Variants in DENND1A observed in about 807,000 individuals in gnomAD.
The protein encoded by DENND1A is DENN domain-containing protein 1A.
DENND1A carries 51 observed loss-of-function variants against 113.7 expected under a neutral mutation model. That is an observed-to-expected ratio of 0.45 (90% CI 0.36 to 0.57). DENND1A has a LOEUF of 0.57. Ranked by LOEUF, DENND1A falls within the 20% of genes least tolerant of loss-of-function variation. The pLI is 0.00. For missense variants in DENND1A, 1,258 were observed against 1,395.9 expected (o/e 0.90, Z 1.57); for synonymous variants, 565 against 570.8 (o/e 0.99, Z 0.14).
intron 11 of DENND1A, among the ~76,000 whole-genome samples, chr9:123,590,172 C>T (rs2059390934): frequency 6.6e-6 from 1 of 152,180 alleles, no homozygotes; most frequent in Non-Finnish European, 1.5e-5. Flanking sequence ...AGCGGCAAGC[C>T]TCCCATGACC....
At chr9:123,385,969 AAC>A (rs1252855406) in intron 22 of DENND1A, among the ~76,000 whole-genome samples, 1 of 152,164 alleles carries the variant, frequency 6.6e-6, no homozygotes, top group East Asian at 1.9e-4. Flanking sequence ...TTTCTTTTCA[AAC>A]ACACACACAA....
At chr9:123,711,773 C>A (rs367841020) in intron 5 of DENND1A, among the ~76,000 whole-genome samples, 43 of 152,140 alleles carry the variant, frequency 2.8e-4, no homozygotes, top group African/African-American at 1.0e-3. Context: ...TCTAAAATCA[C>A]TAATTAAGAC....
At chr9:123,425,431 G>A (rs1459593280) in intron 19 of DENND1A, among the ~76,000 whole-genome samples, 2 of 152,252 alleles carry the variant, frequency 1.3e-5, no homozygotes, top group Non-Finnish European at 2.9e-5. Context: ...TCACAACCTG[G>A]CGCCGCGTGC....
chr9:123,882,995 C>G (rs867558548), intron 1 of DENND1A, among the ~76,000 whole-genome samples: 1 of 152,200 alleles, frequency 6.6e-6, no homozygotes, highest in Non-Finnish European at 1.5e-5. Flanking sequence ...ACCTCTCTCC[C>G]CTTGCCCACT....
chr9:123,893,039 A>C (rs1351459261), intron 1 of DENND1A, among the ~76,000 whole-genome samples: 1 of 152,060 alleles, frequency 6.6e-6, no homozygotes, highest in Admixed American at 6.6e-5. Flanking sequence ...AAAGAATAAG[A>C]ATAAAGAATG....
chr9:123,892,148 ATAACT>A (rs1377948829), intron 1 of DENND1A, among the ~76,000 whole-genome samples: 1 of 152,222 alleles, frequency 6.6e-6, no homozygotes, highest in African/African-American at 2.4e-5. Flanking sequence ...ATGTGAGGAA[ATAACT>A]TAAGCCTGCA....
At chr9:123,414,183 T>C (rs2044533827) in intron 19 of DENND1A, 2 of 1,046,384 alleles carry the variant, frequency 1.9e-6, no homozygotes, top group African/African-American at 1.7e-5. Context: ...GATTTGACCA[T>C]TCCAAGCCTT....
rs533977422 is a variant in DENND1A at position 123,535,486 on chromosome 9, C to G, written c.993+22084G>C. Among the ~76,000 whole-genome samples the G allele has an allele frequency of 2.0e-5, 3 of 152,344 alleles. No individual in the cohort carries two copies. In the South Asian group the frequency reaches 6.2e-4, roughly 32 times the overall value. On this transcript the variant is annotated intron_variant, in intron 13 of 23. Coordinates refer to ENST00000394215, the MANE Select transcript of DENND1A (RefSeq NM_001352964.2). ...GATTGAAACTCTCTTCCCCAGCCCACAAGACCCTTCACAATCTGGCCCCTG... is the reference window on the plus strand; with the variant it reads ...GATTGAAACTCTCTTCCCCAGCCCAGAAGACCCTTCACAATCTGGCCCCTG...
chr9:123,440,515 G>T (rs751051290), intron 18 of DENND1A, 24 bp from the exon 19 acceptor site: 7 of 1,534,426 alleles, frequency 4.6e-6, no homozygotes, highest in Admixed American at 2.5e-5. Flanking sequence ...GATAGTCAGC[G>T]GTTGGCACTG....
intron 2 of DENND1A, among the ~76,000 whole-genome samples, chr9:123,822,632 T>C (rs1838667097): frequency 6.6e-6 from 1 of 152,236 alleles, no homozygotes; most frequent in Admixed American, 6.5e-5. Context: ...GACACTGAGC[T>C]ATTTGTTACA....
chr9:123,854,068 G>A (rs1401688093), intron 2 of DENND1A, among the ~76,000 whole-genome samples: 2 of 152,176 alleles, frequency 1.3e-5, no homozygotes, highest in Non-Finnish European at 2.9e-5. Context: ...AAGAGAAACC[G>A]TGGGTGAAAC....
chr9:123,715,204 A>AAT (rs1565005691), intron 5 of DENND1A, among the ~76,000 whole-genome samples: 5 of 152,010 alleles, frequency 3.3e-5, no homozygotes, highest in African/African-American at 7.3e-5. Flanking sequence ...ATAATAATAA[A>AAT]AAATAAATGT....
At chr9:123,469,027 C>G (rs1401870818) in intron 13 of DENND1A, among the ~76,000 whole-genome samples, 1 of 152,220 alleles carries the variant, frequency 6.6e-6, no homozygotes, top group African/African-American at 2.4e-5. Context: ...CCTTCCCTGC[C>G]CTCAGAGGGC....
intron 10 of DENND1A, among the ~76,000 whole-genome samples, chr9:123,623,578 T>A (rs1461413799): frequency 6.6e-6 from 1 of 152,192 alleles, no homozygotes; most frequent in African/African-American, 2.4e-5. Context: ...ATTTGAGAAA[T>A]ATTTAGGGCA....
chr9:123,401,405 C>G (rs1254462120), intron 21 of DENND1A: 18 of 884,194 alleles, frequency 2.0e-5, no homozygotes, highest in Non-Finnish European at 2.5e-5. Context: ...CTAGAAATAC[C>G]ACTGGTATTA....
At chr9:123,719,780 A>T (rs2067219104) in intron 5 of DENND1A, among the ~76,000 whole-genome samples, 1 of 152,186 alleles carries the variant, frequency 6.6e-6, no homozygotes, top group East Asian at 1.9e-4. Flanking sequence ...AATATTTTTT[A>T]ATCATTTTGT....
At chr9:123,481,897 G>A (rs1375006004) in intron 13 of DENND1A, among the ~76,000 whole-genome samples, 2 of 150,742 alleles carry the variant, frequency 1.3e-5, no homozygotes, top group Admixed American at 6.6e-5. Flanking sequence ...CCAGGTTCAG[G>A]CAATTCTCAT....
At chr9:123,731,883 G>A (rs2068199546) in intron 5 of DENND1A, among the ~76,000 whole-genome samples, 1 of 152,106 alleles carries the variant, frequency 6.6e-6, no homozygotes, top group East Asian at 1.9e-4. Context: ...CAACAATAAG[G>A]AAACAAATCA....
intron 12 of DENND1A, among the ~76,000 whole-genome samples, chr9:123,577,124 C>T (rs1389919515): frequency 4.6e-5 from 7 of 151,294 alleles, no homozygotes; most frequent in African/African-American, 1.7e-4. Context: ...TGTTAGCCCT[C>T]TTGATATTAT....
Sources: allele counts gnomAD v4.1 joint callset (sites outside exome capture counted in the v4.1 genomes callset), GRCh38; gene constraint gnomAD v4.1.1; transcripts MANE v1.5; gene names NCBI Gene and HGNC (gene_info 2026-07-23, HGNC 2026-07-21).